XRCC1: variants seen among roughly 807,000 people sequenced by gnomAD.
XRCC1 encodes the protein DNA repair protein XRCC1.
In XRCC1, 52 loss-of-function variants were observed where a neutral mutation model predicts 83.3. The observed-to-expected ratio is 0.62, with a 90% CI of 0.50 to 0.79. The LOEUF is 0.79. Among genes scored for constraint, XRCC1 ranks in the 30% least tolerant of loss-of-function variants. The probability of loss-of-function intolerance (pLI) is 0.00; values close to 1 mark genes in which losing one functional copy is unlikely to be tolerated. For missense variants in XRCC1, 793 were observed against 823.5 expected, an observed-to-expected ratio of 0.96 and a Z score of 0.45; for synonymous variants, 281 against 312.6, an observed-to-expected ratio of 0.90 and a Z score of 1.07.
chr19:43,553,341 C>A, intron 6 of XRCC1, 60 bp downstream of exon 6: 1 of 1,565,850 alleles, frequency 6.4e-7, no homozygotes, highest in Admixed American at 1.7e-5. Flanking sequence ...CCTCTACCCT[C>A]AGACCCACGA....
rs750290319 is a variant in XRCC1 at position 43,546,895 on chromosome 19, G to T, written c.1282C>A (p.Leu428Ile). The T allele has an allele frequency of 6.2e-7, 1 of 1,614,000 alleles. No individual in the cohort carries two copies. Among genetic ancestry groups the T allele is most frequent in the Non-Finnish European group, 8.5e-7 (1 of 1,180,006 alleles). The change falls in exon 11 of 17, where the codon CTT (leucine) becomes ATT (isoleucine). Residue 428 changes from leucine to isoleucine, a missense_variant. Physicochemically the swap from Leu to Ile is conservative, Grantham distance 5. Transcript: ENST00000262887. ...SGGSGDEAPK[L>I]PQKQPQTKTK... ...AGGGGGCATCAGACCTTCTGAGGAA[G>T]CTTGGGGGCTTCATCTCCGCTGCCA... is the stretch of plus-strand genomic sequence containing the variant.
In XRCC1 at chr19:43,554,664, G is replaced by A. The variant is rs948147858; in HGVS notation, c.396C>T (p.Cys132=). The change falls in exon 4 of 17, where the codon TGC becomes TGT. Residue 132 remains cysteine, a synonymous_variant. Coordinates refer to ENST00000262887, the MANE Select transcript of XRCC1 (RefSeq NM_006297.3). The part of the protein sequence containing the change: ...EKRWDRVKIV[C]SQPYSKDSPF... ...TAGGTACCTTGCTGTAGGGCTGGCT[G>A]CAAACAATTTTGACCCGGTCCCAGC... 3.1e-6 allele frequency: 5 copies of A among 1,612,330 alleles called. No homozygotes were observed. The highest frequency in any genetic ancestry group is 4.2e-6 in the Non-Finnish European group (5 of 1,178,988).
intron 10 of XRCC1, among the ~76,000 whole-genome samples, chr19:43,548,071 G>C (rs887904562): frequency 7.0e-5 from 4 of 57,304 alleles, no homozygotes; most frequent in African/African-American, 3.6e-4. Flanking sequence ...CCGTCGGGGG[G>C]GAGGTGGGGG....
In XRCC1 at chr19:43,547,002, C is replaced by A. The variant is rs762806193; in HGVS notation, c.1200-25G>T. 1.1e-5 allele frequency: 18 copies of A among 1,609,510 alleles called. No individual in the cohort carries two copies. The Admixed American group carries it at 2.2e-4, about 19-fold the overall frequency. Reference sequence around the variant, plus strand: ...CCTAGGGGACAAATCGGGCCTCAGACAAACAGGCCCAAGGGAAGTGGGGAG... The same window carrying A: ...CCTAGGGGACAAATCGGGCCTCAGAAAAACAGGCCCAAGGGAAGTGGGGAG... On this transcript the variant is annotated intron_variant, in intron 10 of 16. Transcript: ENST00000262887.
At chr19:43,569,853 C>G (rs1053390731) in intron 2 of XRCC1, among the ~76,000 whole-genome samples, 2 of 152,000 alleles carry the variant, frequency 1.3e-5, no homozygotes, top group African/African-American at 4.8e-5. Context: ...ACAAACATAA[C>G]AAGGGAAGCC....
At chr19:43,559,190 G>A (rs1220266092) in intron 3 of XRCC1, among the ~76,000 whole-genome samples, 1 of 150,768 alleles carries the variant, frequency 6.6e-6, no homozygotes, top group Non-Finnish European at 1.5e-5. Flanking sequence ...ATATAAAAAA[G>A]ATACAGAAAA....
intron 10 of XRCC1, 81 bp downstream of exon 10, chr19:43,551,490 A>G: frequency 8.0e-7 from 1 of 1,247,682 alleles, no homozygotes; most frequent in Non-Finnish European, 1.2e-6. Flanking sequence ...CTCCGCTGGC[A>G]GGCCCCAGTC....
At chr19:43,570,246 T>C (rs1317563665) in intron 2 of XRCC1, among the ~76,000 whole-genome samples, 1 of 152,168 alleles carries the variant, frequency 6.6e-6, no homozygotes, top group Admixed American at 6.5e-5. Flanking sequence ...ATGACACACC[T>C]CCAGTGACAC....
At position 43,552,090 on chromosome 19, in the gene XRCC1, C is replaced by T. The variant is rs952705399; in HGVS notation, c.1009G>A (p.Glu337Lys). The T allele has an allele frequency of 3.1e-6, 5 of 1,613,930 alleles. No homozygotes were observed. The highest frequency in any genetic ancestry group is 4.2e-6 in the Non-Finnish European group (5 of 1,179,996). ...AGCTCTAGGGCCTTATCTCGCAGCT[C>T]GGAGCGGAAGGGGTTCTGGAAGCCA... ...LSGFQNPFRS[E>K]LRDKALELGA... Residue 337 changes from glutamate to lysine, a missense_variant, in exon 9 of 17, where the codon GAG becomes AAG. Transcript: ENST00000262887.
chr19:43,554,670 A>C lies in XRCC1; in HGVS notation c.390T>G (p.Ile130Met). The change falls in exon 4 of 17, where the codon ATT becomes ATG. Residue 130 changes from isoleucine (I) to methionine (M), a missense_variant. Ile to Met is a conservative substitution (Grantham distance 10, BLOSUM62 1). Transcript: ENST00000262887. ...CCTTGCTGTAGGGCTGGCTGCAAACAATTTTGACCCGGTCCCAGCGCTTCT... is the reference window on the plus strand; with the variant it reads ...CCTTGCTGTAGGGCTGGCTGCAAACCATTTTGACCCGGTCCCAGCGCTTCT... Reference protein sequence around the residue: ...AAEKRWDRVKIVCSQPYSKDS... With the variant: ...AAEKRWDRVKMVCSQPYSKDS... 1 of 1,612,164 alleles carries C rather than the reference A, an allele frequency of 6.2e-7. No individual in the cohort carries two copies. The highest frequency in any genetic ancestry group is 8.5e-7 in the Non-Finnish European group (1 of 1,178,992).
chr19:43,553,029 C>T lies in XRCC1; in HGVS notation c.664G>A (p.Ala222Thr), dbSNP rs2146051578. ...CTGGAGACTGGAGAGGCTGAGGAGG[C>T]AGCACTAGAAGCCTGGAGGGTAGCA... The part of the protein sequence containing the change: ...AAATLQASSA[A>T]SSASPVSRAI... The change falls in exon 7 of 17, where the codon GCC becomes ACC. Residue 222 changes from alanine (A) to threonine (T), a missense_variant. Physicochemically the swap from Ala to Thr is moderately conservative, Grantham distance 58 (BLOSUM62 0). Coordinates refer to ENST00000262887, the MANE Select transcript of XRCC1 (RefSeq NM_006297.3). 5.0e-6 allele frequency: 8 copies of T among 1,600,772 alleles called. No individual in the cohort carries two copies. Among genetic ancestry groups the T allele is most frequent in the Non-Finnish European group, 6.8e-6 (8 of 1,173,862 alleles).
chr19:43,560,350 C>T (rs1287869691), intron 3 of XRCC1, among the ~76,000 whole-genome samples: 1 of 150,292 alleles, frequency 6.7e-6, no homozygotes, highest in African/African-American at 2.5e-5. Flanking sequence ...GAGCTGAGAT[C>T]GCGCCAGTGC....
At chr19:43,544,294 C>A (rs2146040481) in intron 14 of XRCC1, 60 bp from the exon 15 acceptor site, 1 of 1,466,620 alleles carries the variant, frequency 6.8e-7, no homozygotes, top group Non-Finnish European at 9.4e-7. Context: ...AGGCACCAAA[C>A]AGGAGTGACG....
At chr19:43,549,008 T>C (rs999102938) in intron 10 of XRCC1, among the ~76,000 whole-genome samples, 1 of 152,180 alleles carries the variant, frequency 6.6e-6, no homozygotes, top group African/African-American at 2.4e-5. Context: ...ACATACATGT[T>C]AAGACCCTTC....
intron 8 of XRCC1, 38 bp from the exon 9 acceptor site, chr19:43,552,313 G>T: frequency 6.8e-7 from 1 of 1,472,124 alleles, no homozygotes; most frequent in Non-Finnish European, 9.2e-7. Flanking sequence ...TAGCACCACT[G>T]GGGGTCAACC....
intron 3 of XRCC1, among the ~76,000 whole-genome samples, chr19:43,558,680 T>C (rs951757103): frequency 6.6e-6 from 1 of 151,370 alleles, no homozygotes; most frequent in African/African-American, 2.4e-5. Context: ...AAATAAATAA[T>C]ATGGTTAAAA....
In XRCC1 at chr19:43,575,522, G is replaced by A. The variant is rs3213246; in HGVS notation, c.-64C>T. 2.1e-4 allele frequency: 325 copies of A among 1,542,924 alleles called. 2 individuals are homozygous for A. Among genetic ancestry groups the A allele is most frequent in the Middle Eastern group, 8.6e-4 (5 of 5,810 alleles). ...TAGAGTATGGGGTCCGAGGGGCAGG[G>A]AGAGTGGGAGGGGGCGGGGTGCGCC... On this transcript the variant is annotated 5_prime_UTR_variant, in exon 1 of 17. Coordinates refer to ENST00000262887, the MANE Select transcript of XRCC1 (RefSeq NM_006297.3).
intron 3 of XRCC1, among the ~76,000 whole-genome samples, chr19:43,556,810 G>A (rs568151901): frequency 6.6e-6 from 1 of 151,856 alleles, no homozygotes; most frequent in South Asian, 2.1e-4. Context: ...TTCAAGACCA[G>A]CCTAGCCAAC....
intron 5 of XRCC1, 44 bp downstream of exon 5, chr19:43,553,565 G>A (rs2146052929): frequency 6.2e-7 from 1 of 1,612,824 alleles, no homozygotes; most frequent in Non-Finnish European, 8.5e-7. Flanking sequence ...GGTGGGGGTG[G>A]AGAGGCAGGG....
Sources: allele counts gnomAD v4.1 joint callset (sites outside exome capture counted in the v4.1 genomes callset), GRCh38; gene constraint gnomAD v4.1.1; transcripts MANE v1.5; gene names NCBI Gene and HGNC (gene_info 2026-07-23, HGNC 2026-07-21).